MSI2: variants seen among roughly 807,000 people sequenced by gnomAD.
MSI2 encodes RNA-binding protein Musashi homolog 2.
Under a neutral mutation model 45.6 loss-of-function variants are expected in MSI2, and 17 were observed. That is an observed-to-expected ratio of 0.37 (90% CI 0.26 to 0.56). The LOEUF is 0.56. Ranked by LOEUF, MSI2 falls within the 20% of genes least tolerant of loss-of-function variation. The pLI is 0.77. For missense variants in MSI2, 293 were observed against 444.2 expected (o/e 0.66, Z 3.06); for synonymous variants, 156 against 158.2 (o/e 0.99, Z 0.11).
chr17:57,616,423 A>C (rs961491913), intron 9 of MSI2: 2 of 172,244 alleles, frequency 1.2e-5, no homozygotes, highest in Non-Finnish European at 2.5e-5. Flanking sequence ...CAGCCCTCTC[A>C]TCTGAGTGGG....
intron 6 of MSI2, among the ~76,000 whole-genome samples, chr17:57,495,549 A>AAAAG (rs67611835): frequency 8.0e-6 from 1 of 125,390 alleles, no homozygotes; most frequent in East Asian, 2.0e-4. Flanking sequence ...AAAAAAAAAA[A>AAAAG]AAAGAAAGCT....
chr17:57,512,968 C>CTT (rs34727727), intron 6 of MSI2, among the ~76,000 whole-genome samples: 45,574 of 114,780 alleles, frequency 0.4, 9,707 homozygotes, highest in Middle Eastern at 0.5. Flanking sequence ...TAGCTTCTTC[C>CTT]TTTTTTTTTT....
rs572345817 is a variant in MSI2, at chr17:57,684,327, T to C, written c.*4810T>C. 1.5e-4 allele frequency: 29 copies of C among 192,102 alleles called. No individual in the cohort carries two copies. Among genetic ancestry groups the C allele is most frequent in the African/African-American group, 6.0e-4 (26 of 43,066 alleles). The allele number at this position is 192,102 out of a possible 1,614,324, so 11.9% of individuals were successfully genotyped here. A position where few individuals can be genotyped will look rare whatever the true frequency, so the allele number is the denominator to read the frequency against. On this transcript the variant is annotated 3_prime_UTR_variant, in exon 14 of 14. Coordinates refer to ENST00000284073, the MANE Select transcript of MSI2 (RefSeq NM_138962.4). ...AGCGTTTCATGTGGACATAAATGTA[T>C]CTAAATAAAACTTTCCCTAGCACTG... is the stretch of plus-strand genomic sequence containing the variant.
At chr17:57,555,855 A>G (rs527993887) in intron 7 of MSI2, among the ~76,000 whole-genome samples, 4 of 152,276 alleles carry the variant, frequency 2.6e-5, no homozygotes, top group Admixed American at 6.5e-5. Flanking sequence ...AGGTCACACA[A>G]CTACCTTCCT....
intron 8 of MSI2, among the ~76,000 whole-genome samples, chr17:57,612,861 C>T (rs1907303704): frequency 6.6e-6 from 1 of 152,146 alleles, no homozygotes; most frequent in South Asian, 2.1e-4. Flanking sequence ...AGCTGGTTAG[C>T]GGTATTATTC....
At chr17:57,494,366 G>A (rs896199432) in intron 6 of MSI2, among the ~76,000 whole-genome samples, 2 of 152,140 alleles carry the variant, frequency 1.3e-5, no homozygotes, top group South Asian at 2.1e-4. Flanking sequence ...GAAGCGTCCC[G>A]CAAGAGCCTA....
chr17:57,655,321 G>A (rs1471160234), intron 11 of MSI2, among the ~76,000 whole-genome samples: 4 of 152,156 alleles, frequency 2.6e-5, no homozygotes, highest in African/African-American at 9.7e-5. Flanking sequence ...TATTCATTCA[G>A]TTCCAGTGGC....
At chr17:57,506,342 C>T (rs554558717) in intron 6 of MSI2, among the ~76,000 whole-genome samples, 7 of 152,120 alleles carry the variant, frequency 4.6e-5, no homozygotes, top group Admixed American at 1.3e-4. Context: ...GGAAAACCTG[C>T]GGGGTTATTA....
intron 8 of MSI2, among the ~76,000 whole-genome samples, chr17:57,600,611 G>A (rs1262887419): frequency 6.6e-6 from 1 of 152,172 alleles, no homozygotes; most frequent in Non-Finnish European, 1.5e-5. Context: ...ATGCAGAAGG[G>A]CCAGGAGAAG....
intron 6 of MSI2, among the ~76,000 whole-genome samples, chr17:57,469,649 T>C (rs2085395893): frequency 6.6e-6 from 1 of 152,204 alleles, no homozygotes; most frequent in South Asian, 2.1e-4. Flanking sequence ...ATCCAGAGCA[T>C]GGAGACTGGG....
rs1203757337 is a variant in MSI2 at position 57,680,882 on chromosome 17, GC to G, written c.*1371del. ...GACACTTTGCCTCTCTTCTCCCCCTGCCCCCCACCCTGCTCCCACATCTGGG... is the reference window on the plus strand; with the variant it reads ...GACACTTTGCCTCTCTTCTCCCCCTGCCCCCACCCTGCTCCCACATCTGGG... On this transcript the variant is annotated 3_prime_UTR_variant, in exon 14 of 14. Coordinates refer to ENST00000284073, the MANE Select transcript of MSI2 (RefSeq NM_138962.4). 4 of 202,528 alleles carry G rather than the reference GC, an allele frequency of 2.0e-5. No individual in the cohort carries two copies. The highest frequency in any genetic ancestry group is 4.1e-5 in the Non-Finnish European group (4 of 98,732). 12.5% of individuals were successfully genotyped at this position (202,528 alleles called of 1,614,324 possible). A position where few individuals can be genotyped will look rare whatever the true frequency, so the allele number is the denominator to read the frequency against.
intron 11 of MSI2, among the ~76,000 whole-genome samples, chr17:57,659,215 A>G (rs1911819347): frequency 6.6e-6 from 1 of 151,850 alleles, no homozygotes; most frequent in Non-Finnish European, 1.5e-5. Flanking sequence ...TCATACTACC[A>G]TGCCCGGCTT....
At chr17:57,521,510 GT>G (rs2086584128) in intron 6 of MSI2, among the ~76,000 whole-genome samples, 1 of 152,154 alleles carries the variant, frequency 6.6e-6, no homozygotes, top group African/African-American at 2.4e-5. Flanking sequence ...TGGCTTTCTT[GT>G]ACTAAGACTG....
intron 5 of MSI2, among the ~76,000 whole-genome samples, chr17:57,339,325 G>A (rs935934820): frequency 9.2e-5 from 14 of 152,136 alleles, no homozygotes; most frequent in Non-Finnish European, 1.6e-4. Flanking sequence ...AAGCCAACTC[G>A]GTTTCCAAGT....
chr17:57,338,459 C>T (rs1017884864), intron 5 of MSI2, among the ~76,000 whole-genome samples: 8 of 152,242 alleles, frequency 5.3e-5, no homozygotes, highest in African/African-American at 1.9e-4. Flanking sequence ...ACGATCTAGG[C>T]TCACTGCAGT....
intron 5 of MSI2, among the ~76,000 whole-genome samples, chr17:57,384,621 G>A (rs1326959397): frequency 6.6e-6 from 1 of 152,224 alleles, no homozygotes; most frequent in Non-Finnish European, 1.5e-5. Context: ...GGAACCATGT[G>A]CTGCAATTGG....
At chr17:57,267,084 C>G (rs139539917) in intron 5 of MSI2, 1 of 152,532 alleles carries the variant, frequency 6.6e-6, no homozygotes, top group Non-Finnish European at 1.5e-5. Context: ...CTGGCCTTCC[C>G]TTGCTGCTGT....
intron 6 of MSI2, among the ~76,000 whole-genome samples, chr17:57,512,860 G>A (rs2086384102): frequency 6.6e-6 from 1 of 151,748 alleles, no homozygotes; most frequent in Admixed American, 6.6e-5. Flanking sequence ...CCTCAGACAT[G>A]AACAATACTA....
chr17:57,512,471 G>T (rs193110589), intron 6 of MSI2, among the ~76,000 whole-genome samples: 383 of 152,292 alleles, frequency 2.5e-3, no homozygotes, highest in African/African-American at 8.2e-3. Flanking sequence ...CTCAGGTAAG[G>T]GCTGAATCTC....
Sources: allele counts gnomAD v4.1 joint callset (sites outside exome capture counted in the v4.1 genomes callset), GRCh38; gene constraint gnomAD v4.1.1; transcripts MANE v1.5; gene names NCBI Gene and HGNC (gene_info 2026-07-23, HGNC 2026-07-21).